Variants in KIF26B observed in about 807,000 individuals in gnomAD.
KIF26B encodes kinesin-like protein KIF26B.
A neutral mutation model predicts 151.2 loss-of-function variants in KIF26B; 63 were observed. The observed-to-expected ratio is 0.42, with a 90% CI of 0.34 to 0.51. KIF26B has a LOEUF of 0.51. Ranked by LOEUF, KIF26B falls within the 20% of genes least tolerant of loss-of-function variation. KIF26B has a pLI of 0.07. For synonymous variants in KIF26B, 1,357 were observed against 1,262.1 expected (o/e 1.08, Z -1.59); for missense variants, 2,813 against 2,913.6 (o/e 0.97, Z 0.79).
intron 3 of KIF26B, among the ~76,000 whole-genome samples, chr1:245,394,050 C>CT (rs937811381): frequency 1.3e-5 from 2 of 152,136 alleles, no homozygotes; most frequent in Non-Finnish European, 2.9e-5. Flanking sequence ...ACTCTTGAGC[C>CT]TTTTGGGGGT....
At chr1:245,445,576 A>G (rs546158288) in intron 4 of KIF26B, among the ~76,000 whole-genome samples, 152 of 152,360 alleles carry the variant, frequency 1.0e-3, no homozygotes, top group African/African-American at 3.4e-3. Flanking sequence ...GCTGAGTGAC[A>G]GACACATAGG....
At chr1:245,178,745 C>T (rs1668854098) in intron 2 of KIF26B, among the ~76,000 whole-genome samples, 1 of 152,172 alleles carries the variant, frequency 6.6e-6, no homozygotes, top group Admixed American at 6.5e-5. Context: ...TAAGACTGCC[C>T]GTGTCAAGCC....
chr1:245,621,975 G>A (rs887964358), intron 9 of KIF26B, among the ~76,000 whole-genome samples: 1 of 152,284 alleles, frequency 6.6e-6, no homozygotes, highest in Middle Eastern at 3.4e-3. Flanking sequence ...TTTACTACAT[G>A]TACATTATCC....
chr1:245,594,871 A>G (rs574967289), intron 5 of KIF26B, among the ~76,000 whole-genome samples: 53 of 152,256 alleles, frequency 3.5e-4, no homozygotes, highest in African/African-American at 1.3e-3. Context: ...TTCCCCTTGA[A>G]GAGGTCCTTC....
chr1:245,567,318 T>C (rs927814694), intron 5 of KIF26B, among the ~76,000 whole-genome samples: 13 of 152,166 alleles, frequency 8.5e-5, no homozygotes, highest in Non-Finnish European at 1.8e-4. Context: ...CTCTTTGGAT[T>C]TTTCAGGAAA....
chr1:245,503,788 A>C (rs773205446), intron 4 of KIF26B, among the ~76,000 whole-genome samples: 1 of 152,212 alleles, frequency 6.6e-6, no homozygotes, highest in Non-Finnish European at 1.5e-5. Context: ...GTCTTGCCTT[A>C]TGCAGGTTTT....
intron 2 of KIF26B, among the ~76,000 whole-genome samples, chr1:245,185,999 T>C (rs543163265): frequency 2.4e-4 from 37 of 152,098 alleles, no homozygotes; most frequent in Non-Finnish European, 4.9e-4. Context: ...CTCAGCCTCC[T>C]GAGTAGCTGG....
chr1:245,380,811 G>T lies in KIF26B; in HGVS notation c.999+13444G>T, dbSNP rs190102674. ...GTGATTTCTTTGGGGGCAATTTGGG[G>T]TGCCTAGGATTTCCAAGCCAGGTTT... On this transcript the variant is annotated intron_variant, in intron 3 of 14. Coordinates refer to ENST00000407071, the MANE Select transcript of KIF26B (RefSeq NM_018012.4). Among the ~76,000 whole-genome samples, 327 of 152,220 alleles carry T rather than the reference G, an allele frequency of 2.1e-3. 4 individuals carry two copies. The highest frequency in any genetic ancestry group is 7.8e-3 in the African/African-American group (322 of 41,534).
At chr1:245,219,857 C>T (rs1669728410) in intron 2 of KIF26B, among the ~76,000 whole-genome samples, 1 of 152,226 alleles carries the variant, frequency 6.6e-6, no homozygotes, top group African/African-American at 2.4e-5. Flanking sequence ...GTTGGCTGCG[C>T]CAGGGGACAG....
intron 4 of KIF26B, among the ~76,000 whole-genome samples, chr1:245,485,698 A>G (rs1558184781): frequency 6.6e-6 from 1 of 151,996 alleles, no homozygotes; most frequent in Admixed American, 6.6e-5. Context: ...AAAGTTTTTA[A>G]ATGCTGCATG....
chr1:245,221,567 C>T (rs886287778), intron 2 of KIF26B, among the ~76,000 whole-genome samples: 6 of 150,508 alleles, frequency 4.0e-5, no homozygotes, highest in South Asian at 2.1e-4. Flanking sequence ...CCACCACGTC[C>T]GGCTAATTTT....
chr1:245,380,029 C>G (rs1271134621), intron 3 of KIF26B, among the ~76,000 whole-genome samples: 1 of 151,136 alleles, frequency 6.6e-6, no homozygotes, highest in Non-Finnish European at 1.5e-5. Context: ...TAATTCATTT[C>G]TAATTGAGAT....
At chr1:245,436,504 G>A (rs1474033892) in intron 4 of KIF26B, among the ~76,000 whole-genome samples, 1 of 152,210 alleles carries the variant, frequency 6.6e-6, no homozygotes, top group African/African-American at 2.4e-5. Flanking sequence ...GATCGTGGGG[G>A]TTGGCAAGTC....
chr1:245,628,996 A>C (rs2043752626), intron 9 of KIF26B, among the ~76,000 whole-genome samples: 1 of 152,202 alleles, frequency 6.6e-6, no homozygotes, highest in Admixed American at 6.5e-5. Context: ...ACTCCCATTC[A>C]CCATCGCTAC....
intron 14 of KIF26B, among the ~76,000 whole-genome samples, chr1:245,699,269 A>C (rs894802706): frequency 6.6e-6 from 1 of 152,126 alleles, no homozygotes; most frequent in South Asian, 2.1e-4. Context: ...GATTATTTCT[A>C]CGTGTCTCAG....
At chr1:245,267,297 A>G (rs1670764095) in intron 2 of KIF26B, among the ~76,000 whole-genome samples, 1 of 152,194 alleles carries the variant, frequency 6.6e-6, no homozygotes, top group African/African-American at 2.4e-5. Context: ...ATTCAGAATA[A>G]CAAAGGTTAT....
Position 245,225,480 on chromosome 1 carries a change from G to A in KIF26B, c.465+68797G>A, listed in dbSNP as rs370446696. 4.6e-5 allele frequency among the ~76,000 whole-genome samples: 7 copies of A among 152,306 alleles called. No individual in the cohort carries two copies. The South Asian group carries it at 1.0e-3, about 23-fold the overall frequency. On this transcript the variant is annotated intron_variant, in intron 2 of 14. Transcript: ENST00000407071. The stretch of plus-strand genomic sequence containing the variant: ...AGGGCTGATGGAGAAAACATGCGTC[G>A]GATGCTTACACCGGCCGTGTCAGAG...
rs144898165 is a variant in KIF26B at position 245,360,062 on chromosome 1, G to A, written c.466-6772G>A. The stretch of plus-strand genomic sequence containing the variant: ...TAATTTTTTTATTTTTAGGAGAGAT[G>A]GGGTTTCTCCACGTTGGCCAGGATG... On this transcript the variant is annotated intron_variant, in intron 2 of 14. Coordinates refer to ENST00000407071, the MANE Select transcript of KIF26B (RefSeq NM_018012.4). Among the ~76,000 whole-genome samples, 1,372 of 151,518 alleles carry A rather than the reference G, an allele frequency of 9.1e-3. 19 individuals carry two copies. Among genetic ancestry groups the A allele is most frequent in the East Asian group, 0.04 (204 of 5,140 alleles).
chr1:245,423,440 CTG>C (rs1383250547), intron 4 of KIF26B, among the ~76,000 whole-genome samples: 1 of 151,754 alleles, frequency 6.6e-6, no homozygotes, highest in East Asian at 1.9e-4. Context: ...TTCCTATTCT[CTG>C]TGCTAAACAG....
Sources: allele counts gnomAD v4.1 joint callset (sites outside exome capture counted in the v4.1 genomes callset), GRCh38; gene constraint gnomAD v4.1.1; transcripts MANE v1.5; gene names NCBI Gene and HGNC (gene_info 2026-07-23, HGNC 2026-07-21).